SRGAP3: variants seen among roughly 807,000 people sequenced by gnomAD.
The protein encoded by SRGAP3 is SLIT-ROBO Rho GTPase activating protein 3, also known as SLIT-ROBO Rho GTPase-activating protein 3.
A neutral mutation model predicts 121.1 loss-of-function variants in SRGAP3; 39 were observed. That is an observed-to-expected ratio of 0.32 (90% confidence interval 0.25 to 0.42). The LOEUF is 0.42. Among genes scored for constraint, SRGAP3 ranks in the 10% least tolerant of loss-of-function variants. The pLI is 1.00. For synonymous variants in SRGAP3, 601 were observed against 570.0 expected, an observed-to-expected ratio of 1.05 and a Z score of -0.77; for missense variants, 1,213 against 1,470.6, an observed-to-expected ratio of 0.82 and a Z score of 2.86.
At chr3:9,178,978 A>G (rs1015899416) in intron 1 of SRGAP3, among the ~76,000 whole-genome samples, 9 of 152,076 alleles carry the variant, frequency 5.9e-5, no homozygotes, top group African/African-American at 2.2e-4. Flanking sequence ...GGCCCTGCCC[A>G]TCTTACCTGA....
chr3:9,107,774 A>C (rs754993385), intron 2 of SRGAP3, among the ~76,000 whole-genome samples: 6 of 152,242 alleles, frequency 3.9e-5, no homozygotes, highest in Non-Finnish European at 7.3e-5. Context: ...CTTCTACCTT[A>C]AGGAGTTTCC....
At chr3:8,993,148 A>AAC in intron 19 of SRGAP3, 93 bp from the exon 20 acceptor site, 1 of 1,584,906 alleles carries the variant, frequency 6.3e-7, no homozygotes, top group Non-Finnish European at 8.6e-7. Context: ...GGGCTGAATT[A>AAC]ACACAACTTA....
intron 3 of SRGAP3, among the ~76,000 whole-genome samples, chr3:9,314,386 T>A (rs928350332): frequency 6.7e-6 from 1 of 150,098 alleles, no homozygotes; most frequent in Non-Finnish European, 1.5e-5. Context: ...GGAGACCCTA[T>A]CTCGAAGAAT....
chr3:9,036,723 A>AG (rs1297693385), intron 11 of SRGAP3: 3 of 152,226 alleles, frequency 2.0e-5, no homozygotes, highest in African/African-American at 7.2e-5. Context: ...GGAGGAAGTG[A>AG]GGGACAGCTC....
At chr3:9,236,856 A>AC (rs2125230282) in intron 1 of SRGAP3, among the ~76,000 whole-genome samples, 2 of 152,346 alleles carry the variant, frequency 1.3e-5, no homozygotes, top group African/African-American at 4.8e-5. Context: ...TTGGTGAAAT[A>AC]TAGTTCCCAT....
chr3:9,349,014 T>C lies in SRGAP3; in HGVS notation n.214+13826A>G, dbSNP rs1396273320. 16 of 941,312 alleles carry C rather than the reference T, an allele frequency of 1.7e-5. No individual in the cohort carries two copies. In the African/African-American group the frequency reaches 2.1e-4, roughly 12 times the overall value. 58.3% of individuals were successfully genotyped at this position (941,312 alleles called of 1,614,324 possible). ...GCCCATGGCAACAGCCCCCCGGGCA[T>C]TGTCAAGCATCTGGAGGGCCTCTCT... is the stretch of plus-strand genomic sequence containing the variant. On this transcript the variant is annotated intron_variant and non_coding_transcript_variant, in intron 1 of 3. Transcript: ENST00000490889.
chr3:9,015,737 T>C lies in SRGAP3; in HGVS notation c.1679-6A>G, dbSNP rs1943605580. 6.2e-7 allele frequency: 1 copy of C among 1,613,962 alleles called. No homozygotes were observed. The highest frequency in any genetic ancestry group is 1.1e-5 in the South Asian group (1 of 91,070). On this transcript the variant is annotated splice_region_variant and splice_polypyrimidine_tract_variant and intron_variant, in intron 14 of 21. Coordinates refer to ENST00000383836, the MANE Select transcript of SRGAP3 (RefSeq NM_014850.4). ...GTCCACAAGGGGGTCTTCACCTGAG[T>C]GGAAACAAGAGACGAGATGATATTT...
At chr3:9,283,925 G>A (rs769674757) in intron 3 of SRGAP3, among the ~76,000 whole-genome samples, 1 of 152,160 alleles carries the variant, frequency 6.6e-6, no homozygotes, top group Non-Finnish European at 1.5e-5. Flanking sequence ...CCTCCACCAG[G>A]CAGAATTCAT....
At chr3:9,131,123 C>A (rs1235161703) in intron 1 of SRGAP3, among the ~76,000 whole-genome samples, 1 of 152,244 alleles carries the variant, frequency 6.6e-6, no homozygotes, top group Non-Finnish European at 1.5e-5. Flanking sequence ...AGCCTACGAG[C>A]TGGCACAGAT....
In SRGAP3 at chr3:9,224,798, A is replaced by G. The variant is rs116870547; in HGVS notation, c.67+24087T>C. Among the ~76,000 whole-genome samples, 209 of 152,332 alleles carry G rather than the reference A, an allele frequency of 1.4e-3. 3 individuals carry two copies. The East Asian group carries it at 0.024, about 17-fold the overall frequency. ...GGCATCTCCTAAGTGAGAAGCCTGC[A>G]GAACCACACAGGGAGGGGCTGGCTG... On this transcript the variant is annotated intron_variant, in intron 1 of 21. Transcript: ENST00000383836.
At chr3:9,082,160 T>C (rs1947278607) in intron 3 of SRGAP3, among the ~76,000 whole-genome samples, 1 of 152,216 alleles carries the variant, frequency 6.6e-6, no homozygotes, top group African/African-American at 2.4e-5. Context: ...CTCCCACTCC[T>C]GCCTTGTGAA....
chr3:9,007,894 A>G (rs762122598), intron 18 of SRGAP3: 5 of 152,170 alleles, frequency 3.3e-5, no homozygotes, highest in Non-Finnish European at 4.4e-5. Context: ...TTGGCCAGGG[A>G]TGGCAAGAAT....
At chr3:9,200,105 T>G (rs1406060220) in intron 1 of SRGAP3, among the ~76,000 whole-genome samples, 1 of 152,230 alleles carries the variant, frequency 6.6e-6, no homozygotes, top group Non-Finnish European at 1.5e-5. Flanking sequence ...ATCGCCTGTG[T>G]GCTTGGAGGG....
chr3:9,120,070 T>A (rs1455318883), intron 2 of SRGAP3, among the ~76,000 whole-genome samples: 1 of 152,224 alleles, frequency 6.6e-6, no homozygotes, highest in Admixed American at 6.5e-5. Flanking sequence ...ATAGCAATCA[T>A]TGGATTATAG....
intron 1 of SRGAP3, among the ~76,000 whole-genome samples, chr3:9,206,912 G>T (rs1383164012): frequency 6.6e-6 from 1 of 152,172 alleles, no homozygotes; most frequent in Non-Finnish European, 1.5e-5. Flanking sequence ...CAGGAGGGCA[G>T]GGACTTTGCT....
intron 1 of SRGAP3, among the ~76,000 whole-genome samples, chr3:9,344,055 C>G (rs1407520574): frequency 6.6e-6 from 1 of 152,238 alleles, no homozygotes; most frequent in Non-Finnish European, 1.5e-5. Flanking sequence ...CACGGTGTCT[C>G]ACACCTGTAA....
At chr3:9,323,296 T>C (rs1036259722) in intron 3 of SRGAP3, among the ~76,000 whole-genome samples, 1 of 151,878 alleles carries the variant, frequency 6.6e-6, no homozygotes, top group East Asian at 1.9e-4. Context: ...TATGGAACTA[T>C]ATACCAAAAA....
chr3:9,028,072 G>C, intron 12 of SRGAP3: 1 of 1,613,908 alleles, frequency 6.2e-7, no homozygotes, highest in Non-Finnish European at 8.5e-7. Flanking sequence ...CACGGTGAAT[G>C]GGGCTAATGG....
At chr3:9,318,398 T>C (rs1309013259) in intron 3 of SRGAP3, among the ~76,000 whole-genome samples, 2 of 151,848 alleles carry the variant, frequency 1.3e-5, no homozygotes, top group Non-Finnish European at 2.9e-5. Context: ...TGGGGCTGGC[T>C]GTATATCTGC....
Sources: allele counts gnomAD v4.1 joint callset (sites outside exome capture counted in the v4.1 genomes callset), GRCh38; gene constraint gnomAD v4.1.1; transcripts MANE v1.5; gene names NCBI Gene and HGNC (gene_info 2026-07-23, HGNC 2026-07-21).